The following CNTN4 variants were observed in gnomAD, a reference collection of about 807,000 sequenced individuals.
CNTN4 encodes the protein contactin-4.
A neutral mutation model predicts 122.5 loss-of-function variants in CNTN4; 77 were observed. That is an observed-to-expected ratio of 0.63 (90% CI 0.52 to 0.76). CNTN4 has a LOEUF of 0.76. CNTN4 is among the 30% of genes least tolerant of loss of function. The pLI is 0.00. For missense variants in CNTN4, 1,256 were observed against 1,259.1 expected, an observed-to-expected ratio of 1.00 and a Z score of 0.04; for synonymous variants, 512 against 447.0, an observed-to-expected ratio of 1.15 and a Z score of -1.83.
At chr3:2,857,030 G>A (rs1456636549) in intron 7 of CNTN4, among the ~76,000 whole-genome samples, 3 of 152,098 alleles carry the variant, frequency 2.0e-5, no homozygotes, top group Non-Finnish European at 2.9e-5. Context: ...GACAGATGAC[G>A]GTGAGACAAA....
intron 2 of CNTN4, among the ~76,000 whole-genome samples, chr3:2,280,849 A>G (rs575411242): frequency 6.6e-6 from 1 of 152,302 alleles, no homozygotes; most frequent in South Asian, 2.1e-4. Flanking sequence ...TATGAGAATG[A>G]CACACATGGT....
intron 4 of CNTN4, among the ~76,000 whole-genome samples, chr3:2,636,405 G>A (rs1461261310): frequency 2.6e-5 from 4 of 152,266 alleles, no homozygotes; most frequent in African/African-American, 9.6e-5. Flanking sequence ...TAGGGGCTGT[G>A]TAATCATTTT....
intron 13 of CNTN4, among the ~76,000 whole-genome samples, chr3:2,986,141 CTGAGCTCAAG>C (rs1694552960): frequency 6.6e-6 from 1 of 152,088 alleles, no homozygotes; most frequent in Non-Finnish European, 1.5e-5. Flanking sequence ...TCTCAAACTC[CTGAGCTCAAG>C]TGATCCTCCT....
rs150040188 is a variant in CNTN4, at chr3:2,197,834, G to C, written c.-145+97195G>C. Among the ~76,000 whole-genome samples, 47 of 152,124 alleles carry C rather than the reference G, an allele frequency of 3.1e-4. No individual in the cohort carries two copies. In the East Asian group the frequency reaches 8.9e-3, roughly 29 times the overall value. ...AGTTCAAGACCAATCTGGCCAACAGGTGAAACCCCGTCTCTATTAAAAATA... is the reference window on the plus strand; with the variant it reads ...AGTTCAAGACCAATCTGGCCAACAGCTGAAACCCCGTCTCTATTAAAAATA... On this transcript the variant is annotated intron_variant, in intron 2 of 24. Transcript: ENST00000418658.
chr3:2,953,020 C>G (rs575284145), intron 13 of CNTN4, among the ~76,000 whole-genome samples: 1 of 152,326 alleles, frequency 6.6e-6, no homozygotes, highest in Non-Finnish European at 1.5e-5. Flanking sequence ...TCAACATCAA[C>G]TAACTTAATC....
chr3:2,184,835 T>G (rs562201528), intron 2 of CNTN4, among the ~76,000 whole-genome samples: 2 of 152,144 alleles, frequency 1.3e-5, no homozygotes, highest in African/African-American at 2.4e-5. Context: ...AGAAAAAAAT[T>G]TCCATGTTTA....
At chr3:2,197,212 G>A (rs1383278600) in intron 2 of CNTN4, among the ~76,000 whole-genome samples, 2 of 152,066 alleles carry the variant, frequency 1.3e-5, no homozygotes. Context: ...CTGGCCCTGG[G>A]CCTCTACTGC....
intron 3 of CNTN4, among the ~76,000 whole-genome samples, chr3:2,531,178 G>T (rs1174403648): frequency 6.6e-6 from 1 of 152,188 alleles, no homozygotes; most frequent in Non-Finnish European, 1.5e-5. Context: ...GAAAACAACG[G>T]CAGGTCTTGA....
intron 6 of CNTN4, among the ~76,000 whole-genome samples, chr3:2,765,179 G>C (rs1237907352): frequency 6.6e-6 from 1 of 152,204 alleles, no homozygotes; most frequent in Non-Finnish European, 1.5e-5. Context: ...GCCGTGTTTT[G>C]TTCTTTTGCC....
intron 2 of CNTN4, among the ~76,000 whole-genome samples, chr3:2,323,293 G>A (rs1323067159): frequency 5.3e-5 from 8 of 152,106 alleles, no homozygotes; most frequent in Non-Finnish European, 1.5e-5. Context: ...AAATGGCCAG[G>A]GGAGGGAAAG....
At chr3:2,684,756 G>A (rs1373078781) in intron 4 of CNTN4, among the ~76,000 whole-genome samples, 1 of 151,984 alleles carries the variant, frequency 6.6e-6, no homozygotes, top group African/African-American at 2.4e-5. Flanking sequence ...CTTGTCTATG[G>A]TCATATTTAA....
intron 3 of CNTN4, among the ~76,000 whole-genome samples, chr3:2,553,338 T>C (rs1363538763): frequency 6.6e-6 from 1 of 152,152 alleles, no homozygotes; most frequent in African/African-American, 2.4e-5. Flanking sequence ...TCTATAGGTA[T>C]GTTTTGATGT....
chr3:2,720,306 A>C (rs2087763228), intron 4 of CNTN4, among the ~76,000 whole-genome samples: 1 of 152,210 alleles, frequency 6.6e-6, no homozygotes, highest in Admixed American at 6.5e-5. Flanking sequence ...TTTATACCCT[A>C]TTAAATGCAG....
intron 4 of CNTN4, among the ~76,000 whole-genome samples, chr3:2,605,262 C>T (rs1214930459): frequency 2.0e-5 from 3 of 152,142 alleles, no homozygotes; most frequent in East Asian, 1.9e-4. Flanking sequence ...GGATTACAGG[C>T]GTGAGCCACC....
chr3:2,916,562 C>T (rs2094358389), intron 12 of CNTN4, among the ~76,000 whole-genome samples: 1 of 137,964 alleles, frequency 7.2e-6, no homozygotes, highest in African/African-American at 2.7e-5. Flanking sequence ...AAGAATTTTT[C>T]TTAGTACAGA....
chr3:2,574,811 G>C (rs978800418), intron 4 of CNTN4, among the ~76,000 whole-genome samples: 1 of 151,958 alleles, frequency 6.6e-6, no homozygotes, highest in Non-Finnish European at 1.5e-5. Flanking sequence ...TCTGTGCCCG[G>C]CTCTACTCCT....
At chr3:2,720,952 G>A (rs961426767) in intron 4 of CNTN4, among the ~76,000 whole-genome samples, 2 of 152,028 alleles carry the variant, frequency 1.3e-5, no homozygotes, top group South Asian at 2.1e-4. Context: ...ATAGCTTATA[G>A]ACATTAGCAT....
intron 6 of CNTN4, among the ~76,000 whole-genome samples, chr3:2,784,437 A>C (rs2091731570): frequency 6.6e-6 from 1 of 152,138 alleles, no homozygotes; most frequent in Non-Finnish European, 1.5e-5. Flanking sequence ...CCCTTTTTTC[A>C]GATGAGGAAA....
chr3:2,896,707 C>G (rs1395479204), intron 10 of CNTN4, among the ~76,000 whole-genome samples: 1 of 152,072 alleles, frequency 6.6e-6, no homozygotes, highest in Non-Finnish European at 1.5e-5. Context: ...ATAAGAATCC[C>G]AGGCAGGAGA....
Sources: gnomAD v4.1 joint callset for allele counts (sites outside exome capture counted in the v4.1 genomes callset) on GRCh38, gnomAD v4.1.1 for gene constraint, MANE v1.5 for transcripts, NCBI Gene and HGNC (gene_info 2026-07-23, HGNC 2026-07-21) for gene names.